The following COPE variants were observed in gnomAD, a reference collection of about 807,000 sequenced individuals.
COPE encodes coat protein complex I subunit epsilon.
A neutral mutation model predicts 42.1 loss-of-function variants in COPE; 19 were observed. The ratio of observed to expected loss-of-function variants is 0.45; its 90% CI spans 0.31 to 0.66. COPE has a LOEUF of 0.66. COPE is among the 30% of genes least tolerant of loss of function. COPE has a pLI of 0.05. For synonymous variants in COPE, 195 were observed against 181.3 expected (o/e 1.08, Z -0.60); for missense variants, 402 against 416.1 (o/e 0.97, Z 0.30).
intron 1 of COPE, among the ~76,000 whole-genome samples, chr19:18,914,778 T>C (rs2056839911): frequency 7.1e-6 from 1 of 140,946 alleles, no homozygotes; most frequent in African/African-American, 2.7e-5. Flanking sequence ...TTTTTTTTGA[T>C]GGAGTCTTGC....
chr19:18,905,099 GGA>G (rs1415842879), intron 5 of COPE, among the ~76,000 whole-genome samples: 1 of 152,178 alleles, frequency 6.6e-6, no homozygotes, highest in Non-Finnish European at 1.5e-5. Context: ...GTAGAGCTCA[GGA>G]GAGACTCACT....
intron 6 of COPE, among the ~76,000 whole-genome samples, chr19:18,904,157 G>GTTTC (rs2056735918): frequency 6.6e-6 from 1 of 152,242 alleles, no homozygotes; most frequent in African/African-American, 2.4e-5. Context: ...TAAAGATGGG[G>GTTTC]TTTCTCCATG....
chr19:18,908,305 T>C (rs1479500605), intron 3 of COPE, among the ~76,000 whole-genome samples: 1 of 151,810 alleles, frequency 6.6e-6, no homozygotes, highest in East Asian at 2.0e-4. Flanking sequence ...GTGGCGCCTG[T>C]AGTCCCAACT....
intron 3 of COPE, among the ~76,000 whole-genome samples, chr19:18,908,475 C>T (rs1389261677): frequency 1.3e-5 from 2 of 151,392 alleles, no homozygotes; most frequent in Non-Finnish European, 2.9e-5. Flanking sequence ...CGCTTGAGCC[C>T]AGGAGTTTGA....
At chr19:18,900,221 G>A (rs1378247510) in intron 8 of COPE, among the ~76,000 whole-genome samples, 160 bp downstream of exon 8, 1 of 152,080 alleles carries the variant, frequency 6.6e-6, no homozygotes, top group African/African-American at 2.4e-5. Flanking sequence ...CCCCAGGTGA[G>A]GATGGGTTGG....
chr19:18,900,550 T>C, intron 7 of COPE, 101 bp from the exon 8 acceptor site: 1 of 881,476 alleles, frequency 1.1e-6, no homozygotes. Context: ...GGTCACCTCC[T>C]CAGAGGTGGG....
intron 4 of COPE, 51 bp from the exon 5 acceptor site, chr19:18,905,680 A>G (rs1408334851): frequency 1.9e-6 from 3 of 1,549,898 alleles, no homozygotes; most frequent in African/African-American, 1.3e-5. Context: ...GACACATTGC[A>G]TGGCCGCTCC....
At position 18,900,469 on chromosome 19, in the gene COPE, C is replaced by G. The variant is rs964079909; in HGVS notation, c.736-20G>C. ...ACTATCCTGGAGACACAGGCAGACA[C>G]GGGGAGGCAGGGTCAGCCACTCCAG... On this transcript the variant is annotated intron_variant, in intron 7 of 9. Coordinates refer to ENST00000262812, the MANE Select transcript of COPE (RefSeq NM_007263.4). 48 of 1,542,006 alleles carry G rather than the reference C, an allele frequency of 3.1e-5. 1 individual carries two copies. Among genetic ancestry groups the G allele is most frequent in the Non-Finnish European group, 3.9e-5 (44 of 1,141,268 alleles).
chr19:18,909,451 G>T (rs2056790857), intron 3 of COPE, among the ~76,000 whole-genome samples: 2 of 152,042 alleles, frequency 1.3e-5, no homozygotes, highest in African/African-American at 4.8e-5. Context: ...CACTCGTGGT[G>T]CTCCTTGGCT....
intron 2 of COPE, chr19:18,911,313 A>G: frequency 1.9e-6 from 1 of 537,860 alleles, no homozygotes; most frequent in Non-Finnish European, 3.4e-6. Flanking sequence ...GGACCCTGGT[A>G]GGTTACTGTC....
At chr19:18,909,166 C>T (rs1202572150) in intron 3 of COPE, among the ~76,000 whole-genome samples, 1 of 152,254 alleles carries the variant, frequency 6.6e-6, no homozygotes, top group African/African-American at 2.4e-5. Flanking sequence ...GCAGCTGCTG[C>T]TCCTGGGGGA....
chr19:18,899,610 G>T lies in COPE; in HGVS notation c.*69C>A. The stretch of plus-strand genomic sequence containing the variant: ...GAGGGGATGCAGGTGGATGCCGGGT[G>T]GGGAGGGCTGCAGGGCTGGCTCCTG... On this transcript the variant is annotated 3_prime_UTR_variant, in exon 10 of 10. Transcript: ENST00000262812. 4 of 1,561,064 alleles carry T rather than the reference G, an allele frequency of 2.6e-6. No individual in the cohort carries two copies. Among genetic ancestry groups the T allele is most frequent in the Non-Finnish European group, 3.5e-6 (4 of 1,134,132 alleles).
Position 18,911,032 on chromosome 19 carries a change from AG to A in COPE, c.228del (p.Ser77ArgfsTer32). ...FGVVLDEIKP[S>X]SAPELQAVRM... is the part of the protein sequence containing the mutation. Reference sequence around the variant, plus strand: ...CGCACGGCCTGGAGCTCAGGGGCCGAGGAGGGCTTGATCTCATCCAGGACCA... The same window carrying A: ...CGCACGGCCTGGAGCTCAGGGGCCGAGAGGGCTTGATCTCATCCAGGACCA... On this transcript the variant is annotated frameshift_variant, in exon 3 of 10. Coordinates refer to ENST00000262812, the MANE Select transcript of COPE (RefSeq NM_007263.4). LOFTEE classifies it high-confidence loss of function. The A allele has an allele frequency of 6.2e-7, 1 of 1,613,940 alleles. No homozygotes were observed. The highest frequency in any genetic ancestry group is 8.5e-7 in the Non-Finnish European group (1 of 1,179,984).
intron 1 of COPE, among the ~76,000 whole-genome samples, chr19:18,918,185 C>CT (rs2056873110): frequency 2.9e-5 from 1 of 34,606 alleles, no homozygotes; most frequent in Non-Finnish European, 5.7e-5. Context: ...GAGTCTCCAT[C>CT]TCAAAAAAAA....
Position 18,919,382 on chromosome 19 carries a change from A to G in COPE, c.-34T>C, listed in dbSNP as rs548452199. On this transcript the variant is annotated 5_prime_UTR_variant, in exon 1 of 10. Transcript: ENST00000262812. ...CTTCTCACCAGCTCCTCTTCCTGAA[A>G]GACACGTCAGCCGGAAGCAAGACAC... is the stretch of plus-strand genomic sequence containing the variant. The G allele has an allele frequency of 1.6e-4, 251 of 1,606,538 alleles. 3 individuals carry two copies. In the South Asian group the frequency reaches 2.7e-3, roughly 17 times the overall value.
chr19:18,911,501 C>G (rs1297300863), intron 2 of COPE: 2 of 185,756 alleles, frequency 1.1e-5, no homozygotes. Context: ...ACTGTCACAT[C>G]TGCAGCTGGG....
chr19:18,902,780 G>A (rs867202497), intron 7 of COPE, among the ~76,000 whole-genome samples: 5 of 48,730 alleles, frequency 1.0e-4, no homozygotes, highest in East Asian at 6.6e-4. Flanking sequence ...AAAGAAGGAA[G>A]GAAGGAAGGA....
chr19:18,899,663 C>T lies in COPE; in HGVS notation c.*16G>A. ...CTCTGTCCTGGCTTCATGGTCCTGA[C>T]AGCTCTGGGCCAGCCTCAGGCGCTG... is the stretch of plus-strand genomic sequence containing the variant. On this transcript the variant is annotated 3_prime_UTR_variant, in exon 10 of 10. Coordinates refer to ENST00000262812, the MANE Select transcript of COPE (RefSeq NM_007263.4). 9 of 1,613,316 alleles carry T rather than the reference C, an allele frequency of 5.6e-6. No individual in the cohort carries two copies. The highest frequency in any genetic ancestry group is 7.6e-6 in the Non-Finnish European group (9 of 1,179,946).
chr19:18,903,300 C>A lies in COPE; in HGVS notation c.703G>T (p.Ala235Ser). The A allele has an allele frequency of 6.2e-7, 1 of 1,607,058 alleles. No individual in the cohort carries two copies. The highest frequency in any genetic ancestry group is 8.5e-7 in the Non-Finnish European group (1 of 1,176,932). ...CHMAQGRWEA[A>S]EGLLQEALDK... ...AGCGCCTCCTGCAGCAGGCCCTCAG[C>A]GGCCTCCCAGCGGCCCTGGGCCATG... The change falls in exon 7 of 10, where the codon GCT becomes TCT. Residue 235 changes from alanine (A) to serine (S), a missense_variant. By Grantham distance (99) the Ala-to-Ser change is moderately conservative. Coordinates refer to ENST00000262812, the MANE Select transcript of COPE (RefSeq NM_007263.4).
Sources: allele counts gnomAD v4.1 joint callset (sites outside exome capture counted in the v4.1 genomes callset), GRCh38; gene constraint gnomAD v4.1.1; transcripts MANE v1.5; gene names NCBI Gene and HGNC (gene_info 2026-07-23, HGNC 2026-07-21).